Variants in CA10 observed in about 807,000 individuals in gnomAD.
CA10 encodes carbonic anhydrase-related protein 10.
In CA10, 14 loss-of-function variants were observed where a neutral mutation model predicts 44.2. The ratio of observed to expected loss-of-function variants is 0.32; its 90% CI spans 0.21 to 0.50. CA10 has a LOEUF of 0.50. Ranked by LOEUF, CA10 falls within the 20% of genes least tolerant of loss-of-function variation. CA10 has a pLI of 0.99. For synonymous variants in CA10, 159 were observed against 141.6 expected (o/e 1.12, Z -0.87); for missense variants, 350 against 409.7 (o/e 0.85, Z 1.26).
intron 2 of CA10, among the ~76,000 whole-genome samples, chr17:52,006,394 C>T (rs1662194364): frequency 6.6e-6 from 1 of 151,734 alleles, no homozygotes; most frequent in Admixed American, 6.6e-5. Flanking sequence ...TATTAAAATG[C>T]TAATGCCATG....
chr17:51,650,146 A>G (rs1236260027), intron 5 of CA10, among the ~76,000 whole-genome samples: 9 of 152,196 alleles, frequency 5.9e-5, no homozygotes, highest in Non-Finnish European at 8.8e-5. Context: ...CCAGGTTTCC[A>G]GGGGCTTCAG....
intron 4 of CA10, among the ~76,000 whole-genome samples, chr17:51,746,954 C>G (rs1375013486): frequency 6.6e-6 from 1 of 152,236 alleles, no homozygotes; most frequent in Non-Finnish European, 1.5e-5. Flanking sequence ...CCCCTGATCT[C>G]TAGTTCATAA....
intron 2 of CA10, among the ~76,000 whole-genome samples, chr17:51,974,523 A>G (rs1984395660): frequency 6.6e-6 from 1 of 152,064 alleles, no homozygotes; most frequent in Admixed American, 6.6e-5. Flanking sequence ...CTGTAACAAA[A>G]AAAAAGAAAG....
intron 4 of CA10, among the ~76,000 whole-genome samples, chr17:51,703,897 A>C (rs964823770): frequency 6.6e-6 from 1 of 151,626 alleles, no homozygotes; most frequent in African/African-American, 2.4e-5. Flanking sequence ...CAGTAAGTTT[A>C]TCACCTTCTT....
chr17:51,752,736 C>T (rs1331918758), intron 3 of CA10, among the ~76,000 whole-genome samples: 1 of 152,092 alleles, frequency 6.6e-6, no homozygotes, highest in African/African-American at 2.4e-5. Context: ...TGAGACCAGC[C>T]TGGCCAACAT....
At position 52,095,066 on chromosome 17, in the gene CA10, C is replaced by T. The variant is rs1161783935; in HGVS notation, c.62-22673G>A. Among the ~76,000 whole-genome samples the T allele has an allele frequency of 1.3e-5, 2 of 152,084 alleles. 1 individual carries two copies. Among genetic ancestry groups the T allele is most frequent in the African/African-American group, 4.8e-5 (2 of 41,416 alleles). On this transcript the variant is annotated intron_variant, in intron 1 of 8. Transcript: ENST00000451037. ...TATCATAGCCAAAGACTGAACAACC[C>T]ATATGTCTACTGACACCAGAACAGA...
chr17:51,963,609 T>G (rs968190736), intron 2 of CA10, among the ~76,000 whole-genome samples: 2 of 152,166 alleles, frequency 1.3e-5, no homozygotes, highest in Non-Finnish European at 2.9e-5. Flanking sequence ...CTGGGGTCTA[T>G]TTTTAGCACT....
chr17:51,647,474 C>T (rs553283832), intron 6 of CA10, among the ~76,000 whole-genome samples: 1 of 152,224 alleles, frequency 6.6e-6, no homozygotes, highest in South Asian at 2.1e-4. Flanking sequence ...CCCTGCCTCC[C>T]CTTCCTCTCC....
At chr17:51,713,787 A>G (rs1916014863) in intron 4 of CA10, among the ~76,000 whole-genome samples, 1 of 152,192 alleles carries the variant, frequency 6.6e-6, no homozygotes. Flanking sequence ...GGTTGGCCAG[A>G]CTCAGTCTCC....
At chr17:51,856,126 C>T (rs936884941) in intron 3 of CA10, among the ~76,000 whole-genome samples, 1 of 152,162 alleles carries the variant, frequency 6.6e-6, no homozygotes, top group Non-Finnish European at 1.5e-5. Context: ...CCCGACCTGT[C>T]CCCTGGACAA....
chr17:51,933,645 C>A, intron 2 of CA10, among the ~76,000 whole-genome samples: 1 of 152,090 alleles, frequency 6.6e-6, no homozygotes, highest in South Asian at 2.1e-4. Context: ...ATACAGCACC[C>A]CTTTACCTTT....
At chr17:52,107,880 A>G (rs1185265744) in intron 1 of CA10, among the ~76,000 whole-genome samples, 2 of 152,130 alleles carry the variant, frequency 1.3e-5, no homozygotes, top group Admixed American at 6.5e-5. Context: ...CATTTAAGAA[A>G]GTCAGAGCAA....
chr17:51,706,630 C>A (rs1172418830), intron 4 of CA10, among the ~76,000 whole-genome samples: 1 of 152,124 alleles, frequency 6.6e-6, no homozygotes, highest in Non-Finnish European at 1.5e-5. Context: ...CAGATCATAC[C>A]ACTCCCCTGC....
chr17:51,792,196 G>C (rs1400745316), intron 3 of CA10, among the ~76,000 whole-genome samples: 1 of 152,158 alleles, frequency 6.6e-6, no homozygotes, highest in Admixed American at 6.6e-5. Context: ...GGCATACAGA[G>C]GCTAAGCAAC....
At chr17:52,154,038 T>G (rs1030586037) in intron 1 of CA10, among the ~76,000 whole-genome samples, 1 of 152,192 alleles carries the variant, frequency 6.6e-6, no homozygotes, top group Non-Finnish European at 1.5e-5. Flanking sequence ...CCTCATCTGT[T>G]TGATTGACAG....
intron 2 of CA10, among the ~76,000 whole-genome samples, chr17:52,005,807 T>C (rs1985577109): frequency 6.6e-6 from 1 of 151,860 alleles, no homozygotes; most frequent in Non-Finnish European, 1.5e-5. Flanking sequence ...AGTCATATGA[T>C]AAACAACCAG....
chr17:52,098,572 G>C (rs1354560646), intron 1 of CA10, among the ~76,000 whole-genome samples: 1 of 152,168 alleles, frequency 6.6e-6, no homozygotes, highest in South Asian at 2.1e-4. Context: ...ACTGACCTAA[G>C]TCCTCTAAGT....
At chr17:51,985,934 A>G (rs764718072) in intron 2 of CA10, among the ~76,000 whole-genome samples, 3 of 152,048 alleles carry the variant, frequency 2.0e-5, no homozygotes, top group Non-Finnish European at 4.4e-5. Flanking sequence ...GCCAAAAGCA[A>G]TCCACAAATT....
intron 3 of CA10, among the ~76,000 whole-genome samples, chr17:51,813,670 G>C (rs907388639): frequency 6.6e-6 from 1 of 152,156 alleles, no homozygotes; most frequent in South Asian, 2.1e-4. Context: ...GTGGATTCTC[G>C]ATAAAGCTGT....
Sources: gnomAD v4.1 joint callset for allele counts (sites outside exome capture counted in the v4.1 genomes callset) on GRCh38, gnomAD v4.1.1 for gene constraint, MANE v1.5 for transcripts, NCBI Gene and HGNC (gene_info 2026-07-23, HGNC 2026-07-21) for gene names.